PITPNM2: variants seen among roughly 807,000 people sequenced by gnomAD.
PITPNM2 encodes membrane-associated phosphatidylinositol transfer protein 2.
PITPNM2 carries 35 observed loss-of-function variants against 132.2 expected under a neutral mutation model. The observed-to-expected ratio is 0.26, with a 90% CI of 0.20 to 0.35. The LOEUF (loss-of-function observed/expected upper bound fraction) is 0.35. Among genes scored for constraint, PITPNM2 ranks in the 10% least tolerant of loss-of-function variants. The probability of loss-of-function intolerance (pLI) is 1.00; values close to 1 mark genes in which losing one functional copy is unlikely to be tolerated. For missense variants in PITPNM2, 1,332 were observed against 1,912.0 expected (o/e 0.70, Z 5.66); for synonymous variants, 738 against 799.2 (o/e 0.92, Z 1.29).
chr12:123,006,719 GTAATAATAA>G (rs10612599), intron 6 of PITPNM2, among the ~76,000 whole-genome samples: 67 of 140,110 alleles, frequency 4.8e-4, no homozygotes, highest in African/African-American at 1.1e-3. Context: ...TCTCAAAATA[GTAATAATAA>G]TAATAATAAT....
intron 3 of PITPNM2, among the ~76,000 whole-genome samples, chr12:123,029,988 A>ACAAACACCCACAAAGAGGTGGAAGG (rs2040022233): frequency 6.6e-6 from 1 of 151,112 alleles, no homozygotes; most frequent in Non-Finnish European, 1.5e-5. Context: ...CAGGAAGCAG[A>ACAAACACCCACAAAGAGGTGGAAGG]CAGACACCCA....
chr12:123,112,236 G>A lies in PITPNM2; in HGVS notation c.-199-1748C>T, dbSNP rs2042853515. On this transcript the variant is annotated intron_variant, in intron 1 of 25. Coordinates refer to ENST00000320201, the MANE Select transcript of PITPNM2 (RefSeq NM_020845.3). The stretch of plus-strand genomic sequence containing the variant: ...GGGAACAGACCTCTAGGGGCAGGGG[G>A]CTCAAAACATCCCTGGAAAGAAATT... Among the ~76,000 whole-genome samples, 3 of 152,290 alleles carry A rather than the reference G, an allele frequency of 2.0e-5. No individual in the cohort carries two copies. In the South Asian group the frequency reaches 6.2e-4, roughly 32 times the overall value.
chr12:122,988,164 T>C (rs1234449545), intron 20 of PITPNM2, 70 bp downstream of exon 20: 2 of 1,356,442 alleles, frequency 1.5e-6, no homozygotes, highest in Non-Finnish European at 2.1e-6. Context: ...CAACTCAGTT[T>C]CCTCATCTGG....
At chr12:123,021,566 T>C (rs1307931223) in intron 3 of PITPNM2, 1 of 759,948 alleles carries the variant, frequency 1.3e-6, no homozygotes, top group East Asian at 1.3e-4. Flanking sequence ...TAAGCCTCTG[T>C]GCTCAGCCTG....
chr12:122,995,067 C>T, intron 14 of PITPNM2, 88 bp from the exon 15 acceptor site: 3 of 1,377,090 alleles, frequency 2.2e-6, no homozygotes, highest in Non-Finnish European at 2.9e-6. Context: ...GTCCCAACCT[C>T]TCTCGGGGGC....
At chr12:123,047,885 G>A (rs1454911466) in intron 2 of PITPNM2, among the ~76,000 whole-genome samples, 1 of 152,138 alleles carries the variant, frequency 6.6e-6, no homozygotes, top group Non-Finnish European at 1.5e-5. Context: ...CAGATCATGA[G>A]GTCAGAAGAT....
chr12:123,114,345 C>T (rs914616111), intron 1 of PITPNM2, among the ~76,000 whole-genome samples: 6 of 151,598 alleles, frequency 4.0e-5, no homozygotes, highest in Non-Finnish European at 5.9e-5. Flanking sequence ...TGTCCCTGTT[C>T]CCCAGCACCC....
chr12:123,007,606 C>T (rs542172189), intron 6 of PITPNM2, among the ~76,000 whole-genome samples: 1 of 152,262 alleles, frequency 6.6e-6, no homozygotes, highest in South Asian at 2.1e-4. Context: ...CCCATCCATT[C>T]TTAAAGACCT....
chr12:123,052,041 T>A (rs1052816331), intron 2 of PITPNM2, among the ~76,000 whole-genome samples: 1 of 151,594 alleles, frequency 6.6e-6, no homozygotes, highest in African/African-American at 2.4e-5. Flanking sequence ...TAGTTGAGAT[T>A]ACAGGCACAT....
intron 2 of PITPNM2, among the ~76,000 whole-genome samples, chr12:123,071,675 G>A (rs1347646776): frequency 6.6e-6 from 1 of 152,250 alleles, no homozygotes; most frequent in Non-Finnish European, 1.5e-5. Context: ...AGCCCCACAA[G>A]ACGATCATCC....
intron 1 of PITPNM2, among the ~76,000 whole-genome samples, chr12:123,119,647 C>T (rs1267345748): frequency 1.3e-5 from 2 of 152,044 alleles, no homozygotes; most frequent in Admixed American, 6.6e-5. Flanking sequence ...CGTGAGCCAC[C>T]GCGCCTGGCT....
Position 122,997,486 on chromosome 12 carries a change from T to C in PITPNM2, c.1311A>G (p.Thr437=), listed in dbSNP as rs909676198. The change falls in exon 11 of 26, where the codon ACA becomes ACG. Residue 437 remains threonine, a synonymous_variant. Transcript: ENST00000320201. ...TCTTGGAGCTGGGGTCCCCGGCGCC[T>C]GTGTCCAGGATGGTGCCTCCGTGCA... is the stretch of plus-strand genomic sequence containing the variant. The part of the protein sequence containing the change: ...LVLHGGTILD[T]GAGDPSSKKG... 1.2e-5 allele frequency: 19 copies of C among 1,613,390 alleles called. No homozygotes were observed. Among genetic ancestry groups the C allele is most frequent in the Non-Finnish European group, 1.5e-5 (18 of 1,180,006 alleles).
intron 2 of PITPNM2, among the ~76,000 whole-genome samples, chr12:123,052,179 G>A (rs2040883690): frequency 6.9e-6 from 1 of 145,660 alleles, no homozygotes; most frequent in Non-Finnish European, 1.5e-5. Flanking sequence ...TGCCTGCCTC[G>A]ACCTCCCAAA....
chr12:123,119,663 T>C (rs937351045), intron 1 of PITPNM2, among the ~76,000 whole-genome samples: 3 of 152,152 alleles, frequency 2.0e-5, no homozygotes, highest in Non-Finnish European at 4.4e-5. Context: ...TGGCTGAGGA[T>C]GTGATCTTAA....
chr12:123,024,717 T>G (rs1173540533), intron 3 of PITPNM2, among the ~76,000 whole-genome samples: 4 of 152,090 alleles, frequency 2.6e-5, no homozygotes, highest in Non-Finnish European at 4.4e-5. Context: ...ATACCCAGAA[T>G]AGTGGAATCT....
intron 2 of PITPNM2, among the ~76,000 whole-genome samples, chr12:123,056,648 G>C (rs759388649): frequency 1.3e-5 from 2 of 152,084 alleles, no homozygotes; most frequent in Non-Finnish European, 2.9e-5. Flanking sequence ...AGCCCTCCTG[G>C]GTTGACAAAG....
intron 3 of PITPNM2, among the ~76,000 whole-genome samples, chr12:123,024,216 A>AAACC (rs1404295223): frequency 6.6e-6 from 1 of 152,232 alleles, no homozygotes; most frequent in Non-Finnish European, 1.5e-5. Flanking sequence ...ATGCAAATCA[A>AAACC]AACCATAATG....
In PITPNM2 at chr12:123,150,204, G is replaced by C. The variant is rs1009855454; in HGVS notation, c.-200+549C>G. On this transcript the variant is annotated intron_variant, in intron 1 of 25. Coordinates refer to ENST00000320201, the MANE Select transcript of PITPNM2 (RefSeq NM_020845.3). This position sits in a 1 kb window ranked among gnomAD's most constrained non-coding sequence, Gnocchi z 6.0. ...AAGAAAGGATTCGGGGTGGGAAGAAGACAGAGCCGGCACCCCATTACCACA... is the reference window on the plus strand; with the variant it reads ...AAGAAAGGATTCGGGGTGGGAAGAACACAGAGCCGGCACCCCATTACCACA... Among the ~76,000 whole-genome samples the C allele has an allele frequency of 6.6e-6, 1 of 152,108 alleles. No homozygotes were observed. The highest frequency in any genetic ancestry group is 1.5e-5 in the Non-Finnish European group (1 of 68,018).
Position 122,996,556 on chromosome 12 carries a change from C to T in PITPNM2, c.1684G>A (p.Val562Ile), listed in dbSNP as rs756970216. 2.3e-5 allele frequency: 37 copies of T among 1,613,010 alleles called. No individual in the cohort carries two copies. Among genetic ancestry groups the T allele is most frequent in the Non-Finnish European group, 2.9e-5 (34 of 1,180,032 alleles). The change falls in exon 13 of 26, where the codon GTC becomes ATC. Residue 562 changes from valine to isoleucine, a missense_variant. By Grantham distance (29) the Val-to-Ile change is conservative. Around this residue, in one of 6 missense-constraint regions of PITPNM2, gnomAD observed 710 missense variants for 911.5 expected, o/e 0.78. Coordinates refer to ENST00000320201, the MANE Select transcript of PITPNM2 (RefSeq NM_020845.3). Reference sequence around the variant, plus strand: ...GCATCAAATGCCAGGATGCCCCCGACGCAGTCCCCAATCAGGCAGACCTTG... The same window carrying T: ...GCATCAAATGCCAGGATGCCCCCGATGCAGTCCCCAATCAGGCAGACCTTG... ...NGQVCLIGDC[V>I]GGILAFDALC...
Sources: gnomAD v4.1 joint callset for allele counts (sites outside exome capture counted in the v4.1 genomes callset) on GRCh38, gnomAD v4.1.1 for gene constraint, gnomAD v4.1.1 regional missense constraint, Gnocchi (gnomAD v3.1) non-coding constraint, MANE v1.5 for transcripts, NCBI Gene and HGNC (gene_info 2026-07-23, HGNC 2026-07-21) for gene names.